The following IQCJ variants were observed in gnomAD, a reference collection of about 807,000 sequenced individuals.
The protein encoded by IQCJ is IQ domain-containing protein J.
A neutral mutation model predicts 11.0 loss-of-function variants in IQCJ; 9 were observed. The ratio of observed to expected loss-of-function variants is 0.82; its 90% CI spans 0.49 to 1.43. The LOEUF (loss-of-function observed/expected upper bound fraction) is 1.43, where lower values mean the gene tolerates loss of function less well. IQCJ is among the 40% of genes most tolerant of loss of function. The probability of loss-of-function intolerance (pLI) is 0.00; values close to 1 mark genes in which losing one functional copy is unlikely to be tolerated. For synonymous variants in IQCJ, 55 were observed against 51.3 expected (o/e 1.07, Z -0.31); for missense variants, 146 against 133.2 (o/e 1.10, Z -0.47).
intron 1 of IQCJ, among the ~76,000 whole-genome samples, chr3:159,234,081 G>A (rs938424756): frequency 6.6e-6 from 1 of 152,172 alleles, no homozygotes; most frequent in Admixed American, 6.5e-5. Context: ...GAGTGCAGAT[G>A]ATACAGTTTA....
At chr3:159,191,047 G>C (rs894096778) in intron 1 of IQCJ, among the ~76,000 whole-genome samples, 2 of 152,174 alleles carry the variant, frequency 1.3e-5, no homozygotes, top group African/African-American at 4.8e-5. Flanking sequence ...CTGCCCCCAG[G>C]AATCTCAGTG....
At chr3:159,134,854 T>C (rs949595) in intron 1 of IQCJ, among the ~76,000 whole-genome samples, 102,277 of 152,066 alleles carry the variant, frequency 0.67, 34,547 homozygotes, top group East Asian at 0.71. Context: ...TATTTATTGT[T>C]CAGCATGAAT....
Position 159,135,837 on chromosome 3 carries a change from C to T in IQCJ, c.9+66396C>T, listed in dbSNP as rs368722427. Among the ~76,000 whole-genome samples the T allele has an allele frequency of 2.0e-4, 31 of 152,324 alleles. No homozygotes were observed. In the East Asian group the frequency reaches 2.3e-3, roughly 11 times the overall value. On this transcript the variant is annotated intron_variant, in intron 1 of 3. Transcript: ENST00000397832. ...TTAGGCAGCCATGAATTTATACCCA[C>T]ATTCATGCTTGGTGGGCGGCACCTT...
intron 1 of IQCJ, among the ~76,000 whole-genome samples, chr3:159,218,341 TTGTG>T (rs34078356): frequency 0.015 from 2,128 of 146,000 alleles, 38 homozygotes; most frequent in African/African-American, 0.05. Context: ...GAGTCCCTCT[TTGTG>T]TGTGTGTGTG....
At chr3:159,218,043 A>G (rs907849797) in intron 1 of IQCJ, among the ~76,000 whole-genome samples, 21 of 150,904 alleles carry the variant, frequency 1.4e-4, no homozygotes, top group Admixed American at 4.6e-4. Flanking sequence ...TACAATAATA[A>G]TAATAATAAT....
chr3:159,256,057 C>T (rs533677069), intron 3 of IQCJ, among the ~76,000 whole-genome samples: 4 of 152,328 alleles, frequency 2.6e-5, no homozygotes, highest in South Asian at 2.1e-4. Flanking sequence ...CAACAGGCTG[C>T]TGCCCTCCAC....
At chr3:159,106,475 A>G (rs1269250424) in intron 1 of IQCJ, among the ~76,000 whole-genome samples, 1 of 152,072 alleles carries the variant, frequency 6.6e-6, no homozygotes, top group Non-Finnish European at 1.5e-5. Flanking sequence ...AGGAGCAACC[A>G]GCAAGAGAGA....
At chr3:159,166,328 T>G (rs1722165254) in intron 1 of IQCJ, among the ~76,000 whole-genome samples, 2 of 152,198 alleles carry the variant, frequency 1.3e-5, no homozygotes, top group South Asian at 4.1e-4. Flanking sequence ...CAGTTTTAGA[T>G]CTGGGTCAAG....
intron 1 of IQCJ, among the ~76,000 whole-genome samples, chr3:159,210,403 A>G (rs1724888146): frequency 6.6e-6 from 1 of 152,172 alleles, no homozygotes; most frequent in Admixed American, 6.5e-5. Context: ...TTTCATAAAC[A>G]TTGTACTCTA....
At chr3:159,202,799 A>G (rs542849157) in intron 1 of IQCJ, among the ~76,000 whole-genome samples, 2 of 152,222 alleles carry the variant, frequency 1.3e-5, no homozygotes, top group Admixed American at 1.3e-4. Flanking sequence ...CACCGTGCCC[A>G]ACTTAAGCCA....
chr3:159,171,297 A>C (rs1429497162), intron 1 of IQCJ, among the ~76,000 whole-genome samples: 4 of 152,190 alleles, frequency 2.6e-5, no homozygotes, highest in African/African-American at 9.6e-5. Flanking sequence ...TGAATGTAGG[A>C]GTATAGAATG....
chr3:159,117,995 T>A (rs1281538840), intron 1 of IQCJ, among the ~76,000 whole-genome samples: 1 of 152,176 alleles, frequency 6.6e-6, no homozygotes, highest in Admixed American at 6.6e-5. Flanking sequence ...AGGTGCAAAG[T>A]AGTTTAAAAA....
At chr3:159,168,702 GTGA>G (rs1335068306) in intron 1 of IQCJ, among the ~76,000 whole-genome samples, 2 of 152,058 alleles carry the variant, frequency 1.3e-5, no homozygotes, top group African/African-American at 2.4e-5. Flanking sequence ...ATTTCTAACA[GTGA>G]TGATGAGTAC....
At chr3:159,226,316 C>T (rs982602605) in intron 1 of IQCJ, among the ~76,000 whole-genome samples, 1 of 152,302 alleles carries the variant, frequency 6.6e-6, no homozygotes, top group Admixed American at 6.5e-5. Flanking sequence ...GGCCCAGGTG[C>T]CAGTCATCTC....
chr3:159,104,780 C>T (rs1280978621), intron 1 of IQCJ, among the ~76,000 whole-genome samples: 1 of 152,234 alleles, frequency 6.6e-6, no homozygotes, highest in Non-Finnish European at 1.5e-5. Context: ...TTAGATTTCT[C>T]TTTAAATGTA....
intron 1 of IQCJ, among the ~76,000 whole-genome samples, chr3:159,212,858 C>A (rs1324101847): frequency 6.6e-6 from 1 of 152,220 alleles, no homozygotes; most frequent in Admixed American, 6.5e-5. Context: ...ACCACTAAAA[C>A]CTGACTTTTG....
At chr3:159,102,858 C>T (rs1475896893) in intron 1 of IQCJ, among the ~76,000 whole-genome samples, 1 of 152,154 alleles carries the variant, frequency 6.6e-6, no homozygotes, top group Non-Finnish European at 1.5e-5. Flanking sequence ...AGGGGATCTC[C>T]AACTTCCCCA....
At chr3:159,229,315 T>C (rs549257934) in intron 1 of IQCJ, among the ~76,000 whole-genome samples, 2 of 152,298 alleles carry the variant, frequency 1.3e-5, no homozygotes, top group South Asian at 4.1e-4. Flanking sequence ...ATCTAGAATA[T>C]TCACTTTCAA....
intron 1 of IQCJ, among the ~76,000 whole-genome samples, chr3:159,087,042 T>C (rs1716833470): frequency 1.3e-5 from 2 of 152,230 alleles, no homozygotes; most frequent in Admixed American, 6.5e-5. Context: ...CAGTATGATA[T>C]TGGCTGTGGG....
Sources: allele counts gnomAD v4.1 joint callset (sites outside exome capture counted in the v4.1 genomes callset), GRCh38; gene constraint gnomAD v4.1.1; transcripts MANE v1.5; gene names NCBI Gene and HGNC (gene_info 2026-07-23, HGNC 2026-07-21).